The following INTS6 variants were observed in gnomAD, a reference collection of about 807,000 sequenced individuals.
The protein encoded by INTS6 is integrator complex subunit 6.
A neutral mutation model predicts 104.9 loss-of-function variants in INTS6; 16 were observed. That is an observed-to-expected ratio of 0.15 (90% confidence interval 0.10 to 0.23). INTS6 has a LOEUF of 0.23. INTS6 is among the 10% of genes least tolerant of loss of function. The pLI, the probability that INTS6 is intolerant of heterozygous loss-of-function variation, is 1.00. For missense variants in INTS6, 584 were observed against 1,062.8 expected (o/e 0.55, Z 6.26); for synonymous variants, 324 against 358.7 (o/e 0.90, Z 1.09).
the INTS6 span, chr13:51,344,617 A>T: frequency 1.4e-6 from 1 of 703,218 alleles, no homozygotes; most frequent in Non-Finnish European, 2.4e-6. Flanking sequence ...CTCTTAGGAG[A>T]TCCTACCCTT....
At chr13:51,395,523 G>T in intron 4 of INTS6, 40 bp from the exon 5 acceptor site, 1 of 1,546,532 alleles carries the variant, frequency 6.5e-7, no homozygotes, top group Non-Finnish European at 8.7e-7. Flanking sequence ...GAATTCCACA[G>T]ACTATTTTTT....
At position 51,452,972 on chromosome 13, in the gene INTS6, T is replaced by C; in HGVS notation, c.-447A>G. 1 of 1,012,068 alleles carries C rather than the reference T, an allele frequency of 9.9e-7. No individual in the cohort carries two copies. The highest frequency in any genetic ancestry group is 1.2e-6 in the Non-Finnish European group (1 of 846,046). The allele number at this position is 1,012,068 out of a possible 1,614,324, so 62.7% of individuals were successfully genotyped here. A position where few individuals can be genotyped will look rare whatever the true frequency, so the allele number is the denominator to read the frequency against. The stretch of plus-strand genomic sequence containing the variant: ...TTGGCCCTGGGGCTGTTGGGAGAAG[T>C]TTCAGGGACTCCCTCCGCACCCCGG... On this transcript the variant is annotated 5_prime_UTR_variant, in exon 1 of 18. Coordinates refer to ENST00000311234, the MANE Select transcript of INTS6 (RefSeq NM_012141.3). The surrounding 1 kb of genome is among the most constrained non-coding windows in gnomAD (Gnocchi z 4.2).
Position 51,443,922 on chromosome 13 carries a change from T to C in INTS6, c.339+7103A>G, listed in dbSNP as rs1593775830. On this transcript the variant is annotated intron_variant, in intron 3 of 17. Transcript: ENST00000311234. ...TAATTTTGACCACAAATGACCTTAA[T>C]TCAAAATACACAAATAAGTCCAATG... 2.0e-5 allele frequency: 3 copies of C among 152,224 alleles called. No homozygotes were observed. The East Asian group carries it at 5.8e-4, about 29-fold the overall frequency. 9.4% of individuals were successfully genotyped at this position (152,224 alleles called of 1,614,324 possible).
At chr13:51,410,566 A>G (rs1956665739) in intron 4 of INTS6, among the ~76,000 whole-genome samples, 1 of 152,224 alleles carries the variant, frequency 6.6e-6, no homozygotes, top group Non-Finnish European at 1.5e-5. Flanking sequence ...TTCTAAATGA[A>G]TTATTTCTCT....
chr13:51,417,472 TGAGACGGA>T (rs1956810227), intron 4 of INTS6, among the ~76,000 whole-genome samples: 1 of 87,704 alleles, frequency 1.1e-5, no homozygotes, highest in African/African-American at 5.6e-5. Flanking sequence ...TTTTTTTTTT[TGAGACGGA>T]GTCTTGCTCT....
chr13:51,361,773 C>G lies in INTS6; in HGVS notation c.*3979G>C. On this transcript the variant is annotated 3_prime_UTR_variant, in exon 18 of 18. Coordinates refer to ENST00000311234, the MANE Select transcript of INTS6 (RefSeq NM_012141.3). ...CAATAGTTATTTTCTTAAAAATGCA[C>G]AGAAAATGCAATGGAATTTTTCTTT... The G allele has an allele frequency of 6.5e-7, 1 of 1,539,936 alleles. No individual in the cohort carries two copies.
intron 3 of INTS6, chr13:51,449,345 C>A (rs1048381005): frequency 4.1e-5 from 18 of 435,326 alleles, no homozygotes; most frequent in Non-Finnish European, 4.6e-5. Context: ...ACCTTTCCCG[C>A]AAACTTTTGG....
intron 3 of INTS6, among the ~76,000 whole-genome samples, chr13:51,431,636 C>G (rs769354244): frequency 1.3e-5 from 2 of 152,016 alleles, no homozygotes; most frequent in Non-Finnish European, 2.9e-5. Context: ...ACCTAATCAT[C>G]GTAAAGTGGG....
intron 3 of INTS6, chr13:51,354,958 T>G: frequency 1.5e-6 from 1 of 676,334 alleles, no homozygotes; most frequent in Non-Finnish European, 2.6e-6. Context: ...GACTTCCAAG[T>G]TAGGGATTTT....
intron 15 of INTS6, among the ~76,000 whole-genome samples, chr13:51,371,239 T>C (rs1955796647): frequency 6.6e-6 from 1 of 152,172 alleles, no homozygotes; most frequent in Non-Finnish European, 1.5e-5. Flanking sequence ...GTTAAGAACC[T>C]GGCCTCCCCA....
chr13:51,395,539 A>T lies in INTS6; in HGVS notation c.430-56T>A. 7 of 1,486,992 alleles carry T rather than the reference A, an allele frequency of 4.7e-6. No individual in the cohort carries two copies. In the South Asian group the frequency reaches 7.9e-5, roughly 17 times the overall value. The allele number at this position is 1,486,992 out of a possible 1,614,324, so 92.1% of individuals were successfully genotyped here. On this transcript the variant is annotated intron_variant, in intron 4 of 17. Transcript: ENST00000311234. ...AATTCCACAGACTATTTTTTCAAAA[A>T]GCCTACTTTAATTACACTTACGTTA...
chr13:51,402,377 G>A (rs760942632), intron 4 of INTS6, among the ~76,000 whole-genome samples: 2 of 152,208 alleles, frequency 1.3e-5, no homozygotes, highest in African/African-American at 2.4e-5. Context: ...CATCTAGGGA[G>A]GGAGGACTGC....
intron 4 of INTS6, chr13:51,423,214 A>G (rs1229487745): frequency 2.6e-6 from 1 of 385,704 alleles, no homozygotes; most frequent in Non-Finnish European, 4.5e-6. Flanking sequence ...TACTTTCACA[A>G]TTCAAAATCT....
chr13:51,382,962 A>G (rs552577035), intron 9 of INTS6, among the ~76,000 whole-genome samples: 1 of 152,262 alleles, frequency 6.6e-6, no homozygotes, highest in Non-Finnish European at 1.5e-5. Flanking sequence ...CTGTAGTCCC[A>G]GCTACTTGGG....
chr13:51,409,738 A>C (rs1321370600), intron 4 of INTS6, among the ~76,000 whole-genome samples: 1 of 152,172 alleles, frequency 6.6e-6, no homozygotes, highest in African/African-American at 2.4e-5. Context: ...ACAAGACAAC[A>C]ATGTCCATTC....
At chr13:51,398,212 T>C (rs917748158) in intron 4 of INTS6, among the ~76,000 whole-genome samples, 1 of 152,138 alleles carries the variant, frequency 6.6e-6, no homozygotes, top group Non-Finnish European at 1.5e-5. Context: ...GAGGATTGAC[T>C]TACTCCAGGT....
At chr13:51,388,703 A>T (rs1956189918) in intron 6 of INTS6, among the ~76,000 whole-genome samples, 1 of 152,114 alleles carries the variant, frequency 6.6e-6, no homozygotes, top group Non-Finnish European at 1.5e-5. Flanking sequence ...ATGACTCTTA[A>T]ATCTTGAAAT....
At chr13:51,365,971 T>A (rs2137848722) in intron 17 of INTS6, 126 bp from the exon 18 acceptor site, 1 of 537,168 alleles carries the variant, frequency 1.9e-6, no homozygotes, top group East Asian at 3.1e-5. Context: ...AATAGAAAAA[T>A]CAATACTACG....
intron 2 of INTS6, 26 bp from the exon 3 acceptor site, chr13:51,451,200 T>C: frequency 6.6e-7 from 1 of 1,520,924 alleles, no homozygotes; most frequent in Non-Finnish European, 8.8e-7. Context: ...TAAGATTTTT[T>C]TTTTTCATTT....
Sources: allele counts gnomAD v4.1 joint callset (sites outside exome capture counted in the v4.1 genomes callset), GRCh38; gene constraint gnomAD v4.1.1; non-coding constraint Gnocchi (gnomAD v3.1); transcripts MANE v1.5; gene names NCBI Gene and HGNC (gene_info 2026-07-23, HGNC 2026-07-21).